The following MINPP1 variants were observed in gnomAD, a reference collection of about 807,000 sequenced individuals.
MINPP1 encodes the protein multiple inositol-polyphosphate phosphatase 1.
MINPP1 carries 28 observed loss-of-function variants against 46.1 expected under a neutral mutation model. The observed-to-expected ratio is 0.61, with a 90% CI of 0.45 to 0.83. The LOEUF (loss-of-function observed/expected upper bound fraction) is 0.83. MINPP1 is among the 40% of genes least tolerant of loss of function. MINPP1 has a pLI of 0.00. For missense variants in MINPP1, 603 were observed against 610.0 expected (o/e 0.99, Z 0.12); for synonymous variants, 268 against 249.1 (o/e 1.08, Z -0.72).
chr10:87,518,652 A>G (rs1851449312), intron 3 of MINPP1, among the ~76,000 whole-genome samples: 1 of 152,182 alleles, frequency 6.6e-6, no homozygotes. Flanking sequence ...TTGAGGGCTC[A>G]GTCCCCAAGT....
rs1312318900 is a variant in MINPP1, at chr10:87,552,510, A to G, written c.*32A>G. 6.2e-7 allele frequency: 1 copy of G among 1,601,390 alleles called. No individual in the cohort carries two copies. Among genetic ancestry groups the G allele is most frequent in the East Asian group, 2.2e-5 (1 of 44,792 alleles). On this transcript the variant is annotated 3_prime_UTR_variant, in exon 5 of 5. Transcript: ENST00000371996. ...GAAGAACATTTTTAATTCTTTAGGA[A>G]TCTGCAATGAGTGATTACATGCTTG...
chr10:87,519,251 A>G (rs1015903982), intron 3 of MINPP1, among the ~76,000 whole-genome samples: 1 of 152,198 alleles, frequency 6.6e-6, no homozygotes, highest in African/African-American at 2.4e-5. Context: ...TCAAAAGAAT[A>G]TATACAATCA....
At chr10:87,510,179 T>C (rs1851315213) in intron 2 of MINPP1, among the ~76,000 whole-genome samples, 1 of 152,252 alleles carries the variant, frequency 6.6e-6, no homozygotes, top group Non-Finnish European at 1.5e-5. Context: ...GCAAAGATTA[T>C]ATAAGATTAA....
At chr10:87,509,961 G>A (rs1024680859) in intron 2 of MINPP1, among the ~76,000 whole-genome samples, 1 of 152,194 alleles carries the variant, frequency 6.6e-6, no homozygotes, top group Non-Finnish European at 1.5e-5. Context: ...TACTGATGAA[G>A]TAACTGACAG....
At chr10:87,533,962 T>C (rs748910519) in intron 4 of MINPP1, among the ~76,000 whole-genome samples, 3 of 152,012 alleles carry the variant, frequency 2.0e-5, no homozygotes, top group Non-Finnish European at 4.4e-5. Flanking sequence ...GAAGTCACAG[T>C]TCCATGGAGT....
chr10:87,508,020 T>G, intron 1 of MINPP1: 1 of 1,405,360 alleles, frequency 7.1e-7, no homozygotes. Context: ...TTTAGTTTGC[T>G]TTCTAAAGTT....
At chr10:87,536,875 G>A (rs1213473471) in intron 4 of MINPP1, among the ~76,000 whole-genome samples, 2 of 151,810 alleles carry the variant, frequency 1.3e-5, no homozygotes, top group African/African-American at 4.8e-5. Context: ...TGTATGTTAT[G>A]ATTTGATTTC....
chr10:87,539,670 G>C (rs2131835397), intron 4 of MINPP1, among the ~76,000 whole-genome samples: 1 of 152,252 alleles, frequency 6.6e-6, no homozygotes, highest in South Asian at 2.1e-4. Flanking sequence ...GGGGATTCTT[G>C]GGGTATAGAG....
chr10:87,511,003 C>G (rs1054865797), intron 2 of MINPP1, among the ~76,000 whole-genome samples: 1 of 152,088 alleles, frequency 6.6e-6, no homozygotes, highest in African/African-American at 2.4e-5. Context: ...AAAATAGTAT[C>G]TAGCTTTAAT....
chr10:87,532,160 CTT>C (rs1291323421), intron 4 of MINPP1, among the ~76,000 whole-genome samples: 1 of 152,154 alleles, frequency 6.6e-6, no homozygotes, highest in African/African-American at 2.4e-5. Flanking sequence ...CTTTGTGAGA[CTT>C]ATTCTTTTCA....
intron 3 of MINPP1, among the ~76,000 whole-genome samples, chr10:87,519,929 A>G (rs963145410): frequency 6.6e-6 from 1 of 152,186 alleles, no homozygotes. Flanking sequence ...GATAAAGGCT[A>G]CTTAATTACC....
intron 3 of MINPP1, among the ~76,000 whole-genome samples, chr10:87,519,365 C>G (rs1851461415): frequency 6.6e-6 from 1 of 152,184 alleles, no homozygotes; most frequent in African/African-American, 2.4e-5. Flanking sequence ...CAGGAGTGGT[C>G]TTGGCAAATT....
Position 87,552,595 on chromosome 10 carries a change from T to A in MINPP1, c.*117T>A. The stretch of plus-strand genomic sequence containing the variant: ...TTTATATTACTTGAGTATTTCTGTC[T>A]TTTCACAGAAAAACATTGGGTTTCT... On this transcript the variant is annotated 3_prime_UTR_variant, in exon 5 of 5. Coordinates refer to ENST00000371996, the MANE Select transcript of MINPP1 (RefSeq NM_004897.5). The A allele has an allele frequency of 9.5e-7, 1 of 1,050,138 alleles. No individual in the cohort carries two copies. Among genetic ancestry groups the A allele is most frequent in the East Asian group, 2.5e-5 (1 of 40,784 alleles). 65.1% of individuals were successfully genotyped at this position (1,050,138 alleles called of 1,614,324 possible).
chr10:87,534,008 G>A (rs1851696549), intron 4 of MINPP1, among the ~76,000 whole-genome samples: 1 of 151,322 alleles, frequency 6.6e-6, no homozygotes, highest in South Asian at 2.1e-4. Context: ...TCAGTGCTAG[G>A]AATCTCTGTA....
At chr10:87,546,194 A>T (rs572969218) in intron 4 of MINPP1, among the ~76,000 whole-genome samples, 1 of 152,232 alleles carries the variant, frequency 6.6e-6, no homozygotes, top group African/African-American at 2.4e-5. Flanking sequence ...TGGATTATTC[A>T]TGAGTTTTCT....
chr10:87,505,398 G>A lies in MINPP1; in HGVS notation c.483G>A (p.Leu161=). Reference sequence around the variant, plus strand: ...ATATGCGACAGCTGGCGCTGCGTCTGGCCTCGCTCTTCCCGGCCCTTTTCA... The same window carrying A: ...ATATGCGACAGCTGGCGCTGCGTCTAGCCTCGCTCTTCCCGGCCCTTTTCA... ...RQDMRQLALR[L]ASLFPALFSR... Residue 161 remains leucine, a synonymous_variant, in exon 1 of 5, where the codon CTG becomes CTA. Transcript: ENST00000371996. The surrounding 1 kb of genome is among the most constrained non-coding windows in gnomAD (Gnocchi z 4.4). The A allele has an allele frequency of 1.2e-6, 2 of 1,613,940 alleles. No homozygotes were observed. The highest frequency in any genetic ancestry group is 1.7e-6 in the Non-Finnish European group (2 of 1,179,950).
chr10:87,546,969 A>T (rs189836578), intron 4 of MINPP1, among the ~76,000 whole-genome samples: 45 of 152,268 alleles, frequency 3.0e-4, no homozygotes, highest in South Asian at 2.9e-3. Flanking sequence ...TTTAAAAAAA[A>T]TTTTGTGGGA....
intron 4 of MINPP1, among the ~76,000 whole-genome samples, chr10:87,523,452 G>C (rs983437881): frequency 6.6e-6 from 1 of 150,986 alleles, no homozygotes; most frequent in Non-Finnish European, 1.5e-5. Flanking sequence ...CTGGGTTCAC[G>C]CCATTCTCCT....
At chr10:87,513,837 T>C (rs940774783) in intron 3 of MINPP1, among the ~76,000 whole-genome samples, 6 of 152,154 alleles carry the variant, frequency 3.9e-5, no homozygotes, top group East Asian at 1.9e-4. Context: ...GAAGTTCAAA[T>C]TGAATCTTAC....
Sources: allele counts gnomAD v4.1 joint callset (sites outside exome capture counted in the v4.1 genomes callset), GRCh38; gene constraint gnomAD v4.1.1; non-coding constraint Gnocchi (gnomAD v3.1); transcripts MANE v1.5; gene names NCBI Gene and HGNC (gene_info 2026-07-23, HGNC 2026-07-21).